CRIM1: variants seen among roughly 807,000 people sequenced by gnomAD.
CRIM1 encodes the protein cysteine rich transmembrane BMP regulator 1, also known as cysteine-rich motor neuron 1 protein.
In CRIM1, 32 loss-of-function variants were observed where a neutral mutation model predicts 116.4. The observed-to-expected ratio is 0.27, with a 90% CI of 0.21 to 0.37. CRIM1 has a LOEUF of 0.37. CRIM1 is among the 10% of genes least tolerant of loss of function. CRIM1 has a pLI of 1.00. For synonymous variants in CRIM1, 590 were observed against 509.2 expected (o/e 1.16, Z -2.13); for missense variants, 1,331 against 1,354.8 (o/e 0.98, Z 0.28).
chr2:36,380,152 T>A (rs1670632786), intron 1 of CRIM1, among the ~76,000 whole-genome samples: 1 of 152,344 alleles, frequency 6.6e-6, no homozygotes. Flanking sequence ...AGTCTGCGTT[T>A]ATCAGTCAGG....
In CRIM1 at chr2:36,546,967, AATTT is replaced by A. The variant is rs764708395; in HGVS notation, c.2747-16_2747-13del. On this transcript the variant is annotated splice_polypyrimidine_tract_variant and intron_variant, in intron 15 of 16. Transcript: ENST00000280527. Reference sequence around the variant, plus strand: ...TCTGGTTTAGGTAATAAATGCTTATAATTTTTTTTCTCCTAGATATGGGTCACCT... The same window carrying A: ...TCTGGTTTAGGTAATAAATGCTTATATTTTTCTCCTAGATATGGGTCACCT... 2.0e-6 allele frequency: 3 copies of A among 1,479,222 alleles called. No individual in the cohort carries two copies. The highest frequency in any genetic ancestry group is 2.8e-6 in the Non-Finnish European group (3 of 1,079,544). The allele number at this position is 1,479,222 out of a possible 1,614,324, so 91.6% of individuals were successfully genotyped here.
At chr2:36,415,620 A>T (rs1265182294) in intron 2 of CRIM1, among the ~76,000 whole-genome samples, 2 of 152,160 alleles carry the variant, frequency 1.3e-5, no homozygotes, top group East Asian at 3.9e-4. Context: ...AGGCATGATT[A>T]TCGTCACACT....
rs543572910 is a variant in CRIM1, at chr2:36,437,941, G to A, written c.506-3317G>A. Among the ~76,000 whole-genome samples, 4 of 151,982 alleles carry A rather than the reference G, an allele frequency of 2.6e-5. No homozygotes were observed. In the East Asian group the frequency reaches 5.8e-4, roughly 22 times the overall value. On this transcript the variant is annotated intron_variant, in intron 2 of 16. Coordinates refer to ENST00000280527, the MANE Select transcript of CRIM1 (RefSeq NM_016441.3). ...AACATCAGAAGATCGAGACCAGCCC[G>A]GCCAACATGGTGAAACCCCATCTCT...
intron 2 of CRIM1, among the ~76,000 whole-genome samples, chr2:36,407,167 TA>T (rs1672871312): frequency 6.6e-6 from 1 of 152,186 alleles, no homozygotes; most frequent in Admixed American, 6.5e-5. Context: ...ACTCTGTTTG[TA>T]AAGACAATCA....
intron 2 of CRIM1, among the ~76,000 whole-genome samples, chr2:36,430,720 G>C (rs1674819546): frequency 6.6e-6 from 1 of 152,210 alleles, no homozygotes; most frequent in Non-Finnish European, 1.5e-5. Flanking sequence ...CCAGAATGAG[G>C]CTGTTCTCAG....
chr2:36,534,086 A>G (rs1273124730), intron 13 of CRIM1, among the ~76,000 whole-genome samples: 4 of 124,124 alleles, frequency 3.2e-5, no homozygotes, highest in African/African-American at 1.2e-4. Flanking sequence ...GGAAGGAGAG[A>G]GGGGAAAGGA....
chr2:36,443,720 A>T (rs1477593028), intron 4 of CRIM1, among the ~76,000 whole-genome samples: 1 of 152,200 alleles, frequency 6.6e-6, no homozygotes, highest in African/African-American at 2.4e-5. Flanking sequence ...GTCCATAGGT[A>T]AGGTAAGTAT....
intron 13 of CRIM1, among the ~76,000 whole-genome samples, chr2:36,533,368 A>G (rs1666248510): frequency 6.7e-6 from 1 of 148,404 alleles, no homozygotes; most frequent in African/African-American, 2.5e-5. Flanking sequence ...GCAGGTAGCT[A>G]GCTTGAGGCC....
At chr2:36,363,530 C>CCA (rs386389931) in intron 1 of CRIM1, among the ~76,000 whole-genome samples, 1 of 25,264 alleles carries the variant, frequency 4.0e-5, no homozygotes, top group Non-Finnish European at 8.1e-5. Context: ...GTCGTCGCCG[C>CCA]CCCCCCCCCC....
intron 7 of CRIM1, among the ~76,000 whole-genome samples, chr2:36,496,719 A>G (rs972787420): frequency 2.6e-5 from 4 of 152,190 alleles, no homozygotes; most frequent in African/African-American, 7.2e-5. Flanking sequence ...TGTGTGTTAG[A>G]TGTACATCTG....
chr2:36,534,081 G>A (rs1666311205), intron 13 of CRIM1, among the ~76,000 whole-genome samples: 1 of 144,576 alleles, frequency 6.9e-6, no homozygotes. Context: ...GAGTGGGAAG[G>A]AGAGAGGGGA....
At chr2:36,358,810 A>G (rs939341937) in intron 1 of CRIM1, among the ~76,000 whole-genome samples, 1 of 152,190 alleles carries the variant, frequency 6.6e-6, no homozygotes, top group South Asian at 2.1e-4. Flanking sequence ...CTTGCATTCT[A>G]AATCTGTGAA....
intron 4 of CRIM1, among the ~76,000 whole-genome samples, chr2:36,457,879 CATT>C (rs1235604107): frequency 6.6e-6 from 1 of 152,100 alleles, no homozygotes; most frequent in Non-Finnish European, 1.5e-5. Flanking sequence ...TTTTATATGT[CATT>C]ATAATTTCCA....
chr2:36,532,318 T>G (rs1228336220), intron 13 of CRIM1, among the ~76,000 whole-genome samples: 1 of 152,212 alleles, frequency 6.6e-6, no homozygotes, highest in African/African-American at 2.4e-5. Flanking sequence ...TAAACGTTAT[T>G]ATGTTAGTGT....
chr2:36,411,910 T>C (rs2148416733), intron 2 of CRIM1, among the ~76,000 whole-genome samples: 1 of 152,298 alleles, frequency 6.6e-6, no homozygotes, highest in East Asian at 1.9e-4. Flanking sequence ...ATAAATATTA[T>C]TCAAACTGCT....
chr2:36,426,138 A>G (rs748679721), intron 2 of CRIM1, among the ~76,000 whole-genome samples: 49 of 152,234 alleles, frequency 3.2e-4, no homozygotes, highest in Non-Finnish European at 5.9e-4. Context: ...TCTGGGACCA[A>G]TTAAAAAGCC....
chr2:36,526,616 T>C (rs1400620869), intron 13 of CRIM1, among the ~76,000 whole-genome samples: 2 of 152,130 alleles, frequency 1.3e-5, no homozygotes, highest in Non-Finnish European at 2.9e-5. Flanking sequence ...CATATCCCCA[T>C]ATGAGCCCTG....
intron 4 of CRIM1, among the ~76,000 whole-genome samples, chr2:36,449,883 C>A (rs200074506): frequency 1.9e-4 from 28 of 149,988 alleles, no homozygotes; most frequent in East Asian, 7.8e-4. Flanking sequence ...AAAAACAAAA[C>A]AAAAAAAAAC....
At chr2:36,520,479 C>T (rs541832987) in intron 12 of CRIM1, among the ~76,000 whole-genome samples, 20 of 152,266 alleles carry the variant, frequency 1.3e-4, no homozygotes, top group South Asian at 6.2e-4. Flanking sequence ...TAGATAACCA[C>T]GAAAAGGTCA....
Sources: allele counts gnomAD v4.1 joint callset (sites outside exome capture counted in the v4.1 genomes callset), GRCh38; gene constraint gnomAD v4.1.1; transcripts MANE v1.5; gene names NCBI Gene and HGNC (gene_info 2026-07-23, HGNC 2026-07-21).